TBCK: variants seen among roughly 807,000 people sequenced by gnomAD.
The protein encoded by TBCK is TBC1 domain containing kinase.
In TBCK, 99 loss-of-function variants were observed where a neutral mutation model predicts 113.4. That is an observed-to-expected ratio of 0.87 (90% CI 0.74 to 1.03). The LOEUF (loss-of-function observed/expected upper bound fraction) is 1.03, where lower values mean the gene tolerates loss of function less well. TBCK is among the 50% of genes least tolerant of loss of function. TBCK has a pLI of 0.00. For synonymous variants in TBCK, 369 were observed against 370.8 expected (o/e 1.00, Z 0.05); for missense variants, 1,045 against 1,061.3 (o/e 0.98, Z 0.21).
chr4:106,223,013 T>C (rs1444663245), intron 19 of TBCK, among the ~76,000 whole-genome samples: 3 of 152,092 alleles, frequency 2.0e-5, no homozygotes, highest in African/African-American at 7.2e-5. Flanking sequence ...ATCATAATAA[T>C]ATTTCTAGTA....
chr4:106,180,889 A>G (rs1752284182), intron 22 of TBCK, among the ~76,000 whole-genome samples: 1 of 152,178 alleles, frequency 6.6e-6, no homozygotes, highest in South Asian at 2.1e-4. Flanking sequence ...TTCTTTGGGT[A>G]TATACCCAGT....
In TBCK at chr4:106,250,409, G is replaced by T; in HGVS notation, c.658+9C>A. 6.5e-7 allele frequency: 1 copy of T among 1,535,926 alleles called. No homozygotes were observed. The highest frequency in any genetic ancestry group is 1.2e-5 in the South Asian group (1 of 84,130). On this transcript the variant is annotated intron_variant, in intron 7 of 25. Coordinates refer to ENST00000394708, the MANE Select transcript of TBCK (RefSeq NM_001163435.3). ...ATATTTGAAAGATAAGCAATTGTAC[G>T]ACACTTACCCAAAGTAAGCAAAAAT...
intron 23 of TBCK, among the ~76,000 whole-genome samples, chr4:106,142,389 T>G (rs1223273397): frequency 2.0e-5 from 3 of 152,228 alleles, no homozygotes; most frequent in Non-Finnish European, 4.4e-5. Context: ...CTTGCTTTAT[T>G]AAATTCTGTG....
intron 24 of TBCK, among the ~76,000 whole-genome samples, chr4:106,107,254 C>T (rs1271067450): frequency 6.6e-6 from 1 of 152,162 alleles, no homozygotes; most frequent in Non-Finnish European, 1.5e-5. Flanking sequence ...CAAAGATATT[C>T]AGGACCTAAA....
intron 3 of TBCK, 32 bp downstream of exon 3, chr4:106,295,062 T>C: frequency 6.5e-7 from 1 of 1,531,150 alleles, no homozygotes; most frequent in Non-Finnish European, 8.8e-7. Context: ...AAGTTCTGCT[T>C]TTCATTTAAT....
intron 3 of TBCK, among the ~76,000 whole-genome samples, chr4:106,283,645 AAG>A (rs912002235): frequency 1.3e-5 from 2 of 152,134 alleles, no homozygotes; most frequent in African/African-American, 2.4e-5. Flanking sequence ...TGGAAATAAT[AAG>A]AGAGTTAGAG....
Position 106,308,839 on chromosome 4 carries a change from C to G in TBCK, c.122G>C (p.Arg41Pro). The G allele has an allele frequency of 6.2e-7, 1 of 1,614,120 alleles. No individual in the cohort carries two copies. The highest frequency in any genetic ancestry group is 8.5e-7 in the Non-Finnish European group (1 of 1,179,992). ...GGTGATGGTTTTAAGGATTTGAAAG[C>G]GCCCTAAAATTTTGATGGAATTTGG... ...LTPNSIKILGRFQILKTITHP... is the reference protein window; with the variant it reads ...LTPNSIKILGPFQILKTITHP... The change falls in exon 2 of 26, where the codon CGC becomes CCC. Residue 41 changes from arginine (R) to proline (P), a missense_variant. By Grantham distance (103) the Arg-to-Pro change is moderately radical (BLOSUM62 -2). Coordinates refer to ENST00000394708, the MANE Select transcript of TBCK (RefSeq NM_001163435.3).
At chr4:106,143,913 TAAAAA>T (rs561608123) in intron 23 of TBCK, among the ~76,000 whole-genome samples, 1 of 114,510 alleles carries the variant, frequency 8.7e-6, no homozygotes. Context: ...AAACTCTGTC[TAAAAA>T]AAAAAAAAAA....
intron 2 of TBCK, among the ~76,000 whole-genome samples, chr4:106,305,313 T>C (rs1051640860): frequency 3.9e-4 from 60 of 152,034 alleles, no homozygotes; most frequent in Admixed American, 3.3e-4. Context: ...AATAATGATA[T>C]TAAGACTTTG....
chr4:106,049,918 T>TG (rs1450429273), intron 25 of TBCK, among the ~76,000 whole-genome samples: 1 of 152,042 alleles, frequency 6.6e-6, no homozygotes, highest in Non-Finnish European at 1.5e-5. Context: ...GATTCTAATG[T>TG]GTAACTAGCA....
intron 23 of TBCK, among the ~76,000 whole-genome samples, chr4:106,150,644 A>G (rs560381126): frequency 8.5e-5 from 13 of 152,118 alleles, no homozygotes; most frequent in Non-Finnish European, 1.6e-4. Context: ...AGGGGCTAAG[A>G]TAAGCACTGG....
chr4:106,079,260 G>A (rs905444990), intron 25 of TBCK, among the ~76,000 whole-genome samples: 5 of 152,112 alleles, frequency 3.3e-5, no homozygotes, highest in African/African-American at 9.7e-5. Flanking sequence ...TTGAAAACTG[G>A]AACAAGACAA....
At chr4:106,188,266 G>T (rs1753264196) in intron 22 of TBCK, among the ~76,000 whole-genome samples, 1 of 151,984 alleles carries the variant, frequency 6.6e-6, no homozygotes, top group Non-Finnish European at 1.5e-5. Context: ...ATACATTTTG[G>T]TCCTTACATT....
intron 15 of TBCK, 37 bp from the exon 16 acceptor site, chr4:106,233,687 A>C (rs1410127614): frequency 6.8e-7 from 1 of 1,469,838 alleles, no homozygotes; most frequent in Non-Finnish European, 9.4e-7. Flanking sequence ...AATTTATCAT[A>C]TCCTTAATAC....
intron 6 of TBCK, chr4:106,251,171 C>A (rs1442435283): frequency 7.9e-6 from 3 of 379,208 alleles, no homozygotes; most frequent in Admixed American, 3.0e-5. Flanking sequence ...TACTTAATAC[C>A]ACCTGAAGTT....
intron 25 of TBCK, among the ~76,000 whole-genome samples, chr4:106,093,062 G>A (rs1394422959): frequency 6.6e-6 from 1 of 152,204 alleles, no homozygotes; most frequent in African/African-American, 2.4e-5. Flanking sequence ...CTCTGAAATA[G>A]GTGTATTGAG....
chr4:106,280,968 T>C (rs905630432), intron 3 of TBCK, among the ~76,000 whole-genome samples: 2 of 152,140 alleles, frequency 1.3e-5, no homozygotes, highest in African/African-American at 4.8e-5. Context: ...AAGAATGTCA[T>C]TGGTATTTTG....
intron 3 of TBCK, among the ~76,000 whole-genome samples, chr4:106,272,221 TA>T (rs1763565581): frequency 6.6e-6 from 1 of 152,104 alleles, no homozygotes; most frequent in South Asian, 2.1e-4. Context: ...TAAAATGAAG[TA>T]ATAATAACCG....
intron 19 of TBCK, 42 bp from the exon 20 acceptor site, chr4:106,212,877 T>C: frequency 8.2e-7 from 1 of 1,217,490 alleles, no homozygotes; most frequent in Non-Finnish European, 1.2e-6. Flanking sequence ...TTTTACACAG[T>C]ACTCCAAGAA....
Sources: allele counts gnomAD v4.1 joint callset (sites outside exome capture counted in the v4.1 genomes callset), GRCh38; gene constraint gnomAD v4.1.1; transcripts MANE v1.5; gene names NCBI Gene and HGNC (gene_info 2026-07-23, HGNC 2026-07-21).